TAFA1: variants seen among roughly 807,000 people sequenced by gnomAD.
The protein encoded by TAFA1 is chemokine-like protein TAFA-1.
In TAFA1, 4 loss-of-function variants were observed where a neutral mutation model predicts 18.5. The ratio of observed to expected loss-of-function variants is 0.22; its 90% confidence interval spans 0.11 to 0.49. The LOEUF (loss-of-function observed/expected upper bound fraction) is 0.49, where lower values mean the gene tolerates loss of function less well. Among genes scored for constraint, TAFA1 ranks in the 20% least tolerant of loss-of-function variants. The pLI is 0.98. For missense variants in TAFA1, 147 were observed against 169.0 expected, an observed-to-expected ratio of 0.87 and a Z score of 0.72; for synonymous variants, 56 against 55.2, an observed-to-expected ratio of 1.01 and a Z score of -0.06.
At chr3:68,043,558 T>C (rs1041509813) in intron 2 of TAFA1, among the ~76,000 whole-genome samples, 2 of 152,228 alleles carry the variant, frequency 1.3e-5, no homozygotes, top group African/African-American at 2.4e-5. Context: ...GTGAGTCCAT[T>C]ATTCATAGAA....
chr3:68,363,839 C>G (rs73835104), intron 2 of TAFA1, among the ~76,000 whole-genome samples: 1,655 of 152,188 alleles, frequency 0.011, 32 homozygotes, highest in African/African-American at 0.038. Flanking sequence ...AAACTGAAGA[C>G]ACAGGCAGCC....
chr3:68,530,039 G>A (rs946105274), intron 3 of TAFA1, among the ~76,000 whole-genome samples: 1 of 152,180 alleles, frequency 6.6e-6, no homozygotes, highest in Non-Finnish European at 1.5e-5. Context: ...CAAAATGCCA[G>A]TAACCTGTAT....
chr3:68,206,076 T>C (rs1332001751), intron 2 of TAFA1, among the ~76,000 whole-genome samples: 1 of 151,880 alleles, frequency 6.6e-6, no homozygotes, highest in Non-Finnish European at 1.5e-5. Context: ...TTTTTTTGTG[T>C]GCTTCATTTT....
intron 2 of TAFA1, among the ~76,000 whole-genome samples, chr3:68,241,034 A>C (rs958336917): frequency 2.0e-5 from 3 of 152,138 alleles, no homozygotes; most frequent in Admixed American, 2.0e-4. Flanking sequence ...TTGGGGAAAA[A>C]CACCACTATA....
At chr3:68,226,683 A>G (rs1231083409) in intron 2 of TAFA1, among the ~76,000 whole-genome samples, 1 of 152,184 alleles carries the variant, frequency 6.6e-6, no homozygotes, top group African/African-American at 2.4e-5. Flanking sequence ...ATACTACTTA[A>G]GACTCTCAAC....
chr3:68,421,238 T>C (rs1177292030), intron 3 of TAFA1, among the ~76,000 whole-genome samples: 1 of 152,276 alleles, frequency 6.6e-6, no homozygotes, highest in East Asian at 1.9e-4. Flanking sequence ...TTTGGTGTGG[T>C]TGGTTCAAAC....
intron 3 of TAFA1, among the ~76,000 whole-genome samples, chr3:68,456,480 A>G (rs1428484613): frequency 6.6e-6 from 1 of 152,174 alleles, no homozygotes; most frequent in East Asian, 1.9e-4. Flanking sequence ...CTTGGTTAGC[A>G]GAAGTTGCTT....
At chr3:68,383,488 T>A (rs2070025001) in intron 2 of TAFA1, among the ~76,000 whole-genome samples, 1 of 152,100 alleles carries the variant, frequency 6.6e-6, no homozygotes, top group Admixed American at 6.6e-5. Flanking sequence ...CACATTTATT[T>A]TTTTGTGTCT....
At chr3:68,266,109 G>A (rs925054350) in intron 2 of TAFA1, among the ~76,000 whole-genome samples, 2 of 152,082 alleles carry the variant, frequency 1.3e-5, no homozygotes, top group Non-Finnish European at 2.9e-5. Flanking sequence ...GAAAGCACCC[G>A]TGATAAGTAT....
At chr3:68,314,592 C>G (rs530585361) in intron 2 of TAFA1, among the ~76,000 whole-genome samples, 2 of 152,144 alleles carry the variant, frequency 1.3e-5, no homozygotes, top group African/African-American at 4.8e-5. Flanking sequence ...TCTACACATA[C>G]GCAATATCAT....
intron 2 of TAFA1, among the ~76,000 whole-genome samples, chr3:68,224,378 C>T (rs1463739413): frequency 3.3e-5 from 5 of 152,074 alleles, no homozygotes; most frequent in Admixed American, 6.6e-5. Flanking sequence ...GGCCCAGGCT[C>T]AGACAGAGGA....
chr3:68,539,072 C>G (rs1467731588), intron 4 of TAFA1, among the ~76,000 whole-genome samples, 192 bp downstream of exon 4: 1 of 152,196 alleles, frequency 6.6e-6, no homozygotes, highest in Admixed American at 6.5e-5. Flanking sequence ...CTTTCCCACA[C>G]TGAGCAGTTT....
At chr3:68,420,825 C>T (rs531811434) in intron 3 of TAFA1, among the ~76,000 whole-genome samples, 2 of 152,286 alleles carry the variant, frequency 1.3e-5, no homozygotes, top group African/African-American at 2.4e-5. Context: ...TATTTACTTA[C>T]TCTACACTAC....
chr3:67,999,701 G>T (rs544751034), upstream of TAFA1, among the ~76,000 whole-genome samples: 2 of 151,928 alleles, frequency 1.3e-5, no homozygotes, highest in Non-Finnish European at 2.9e-5. Flanking sequence ...TGGCAAGTAG[G>T]CATTGTTTAA....
chr3:68,476,383 A>G (rs1463892204), intron 3 of TAFA1, among the ~76,000 whole-genome samples: 1 of 152,208 alleles, frequency 6.6e-6, no homozygotes, highest in Non-Finnish European at 1.5e-5. Context: ...TTTAGTACAA[A>G]GGTTATGAAA....
At chr3:68,426,445 A>T (rs896250456) in intron 3 of TAFA1, among the ~76,000 whole-genome samples, 1 of 151,860 alleles carries the variant, frequency 6.6e-6, no homozygotes, top group Non-Finnish European at 1.5e-5. Flanking sequence ...CTGAACCTAA[A>T]TTTTTTAGCG....
intron 2 of TAFA1, among the ~76,000 whole-genome samples, chr3:68,316,471 C>T (rs965647348): frequency 1.1e-4 from 16 of 152,112 alleles, no homozygotes; most frequent in African/African-American, 1.7e-4. Context: ...TAATGTTGTT[C>T]GGGCTTTTCA....
rs545915014 is a variant in TAFA1, at chr3:68,516,404, A to C, written c.260-22352A>C. Reference sequence around the variant, plus strand: ...CAGTGTGGAAACTGAGCTGTCCTTCAAGAAATGTTAGCCTTGGTTTGTACA... The same window carrying C: ...CAGTGTGGAAACTGAGCTGTCCTTCCAGAAATGTTAGCCTTGGTTTGTACA... On this transcript the variant is annotated intron_variant, in intron 3 of 4. Transcript: ENST00000478136. Among the ~76,000 whole-genome samples the C allele has an allele frequency of 6.6e-5, 10 of 152,328 alleles. No homozygotes were observed. In the South Asian group the frequency reaches 1.2e-3, roughly 19 times the overall value.
intron 2 of TAFA1, among the ~76,000 whole-genome samples, chr3:68,180,259 C>T (rs1368740064): frequency 1.3e-5 from 2 of 151,614 alleles, no homozygotes; most frequent in African/African-American, 2.4e-5. Flanking sequence ...AGGCTGGTCT[C>T]GAACTCCCGA....
Sources: allele counts gnomAD v4.1 joint callset (sites outside exome capture counted in the v4.1 genomes callset), GRCh38; gene constraint gnomAD v4.1.1; transcripts MANE v1.5; gene names NCBI Gene and HGNC (gene_info 2026-07-23, HGNC 2026-07-21).